Variants in LPGAT1 observed in about 807,000 individuals in gnomAD.
LPGAT1 encodes the protein acyl-CoA:lysophosphatidylglycerol acyltransferase 1.
In LPGAT1, 11 loss-of-function variants were observed where a neutral mutation model predicts 47.5. The observed-to-expected ratio is 0.23, with a 90% CI of 0.15 to 0.38. LPGAT1 has a LOEUF of 0.38. LPGAT1 is among the 10% of genes least tolerant of loss of function. The probability of loss-of-function intolerance (pLI) is 1.00; values close to 1 mark genes in which losing one functional copy is unlikely to be tolerated. For missense variants in LPGAT1, 293 were observed against 439.0 expected (o/e 0.67, Z 2.97); for synonymous variants, 138 against 144.2 (o/e 0.96, Z 0.31).
chr1:211,791,332 T>C (rs1271313394), intron 3 of LPGAT1, among the ~76,000 whole-genome samples: 1 of 152,226 alleles, frequency 6.6e-6, no homozygotes, highest in Non-Finnish European at 1.5e-5. Flanking sequence ...AGTCCTTGCT[T>C]TACCAGTCTA....
At position 211,830,082 on chromosome 1, in the gene LPGAT1, A is replaced by G; in HGVS notation, c.-28+491T>C. ...AAGCAGGGGATGATGAAAGGGGCAG[A>G]GAAGAGGCGACCGCAGCGCGGGGAG... On this transcript the variant is annotated intron_variant, in intron 1 of 7. Transcript: ENST00000366997. This position sits in a 1 kb window ranked among gnomAD's most constrained non-coding sequence, Gnocchi z 5.9. 1.2e-5 allele frequency: 12 copies of G among 973,002 alleles called. No homozygotes were observed. Among genetic ancestry groups the G allele is most frequent in the Non-Finnish European group, 1.4e-5 (12 of 829,282 alleles). 60.3% of individuals were successfully genotyped at this position (973,002 alleles called of 1,614,324 possible). A position where few individuals can be genotyped will look rare whatever the true frequency, so the allele number is the denominator to read the frequency against.
intron 3 of LPGAT1, among the ~76,000 whole-genome samples, chr1:211,789,495 A>C (rs753427932): frequency 1.3e-5 from 2 of 152,222 alleles, no homozygotes; most frequent in Non-Finnish European, 2.9e-5. Context: ...AATGTTTATA[A>C]AACATTTAAT....
At chr1:211,801,798 G>C (rs1373116388) in intron 2 of LPGAT1, among the ~76,000 whole-genome samples, 1 of 151,180 alleles carries the variant, frequency 6.6e-6, no homozygotes, top group Non-Finnish European at 1.5e-5. Flanking sequence ...GAAAAGAAAA[G>C]AAATGGCACG....
intron 2 of LPGAT1, among the ~76,000 whole-genome samples, chr1:211,810,119 G>C (rs1039104432): frequency 6.6e-6 from 1 of 152,074 alleles, no homozygotes; most frequent in African/African-American, 2.4e-5. Flanking sequence ...CTGCCTGAAT[G>C]AATTAGTTGA....
At chr1:211,812,736 G>C (rs1243698290) in intron 2 of LPGAT1, among the ~76,000 whole-genome samples, 2 of 152,204 alleles carry the variant, frequency 1.3e-5, no homozygotes, top group African/African-American at 2.4e-5. Context: ...GAGATACACA[G>C]AGAAGAAAGG....
chr1:211,782,329 C>A (rs1266360792), intron 5 of LPGAT1, among the ~76,000 whole-genome samples: 1 of 152,166 alleles, frequency 6.6e-6, no homozygotes. Context: ...TCTTTGCCTG[C>A]ATTTCAGATT....
chr1:211,800,060 A>C (rs1206710796), intron 2 of LPGAT1, among the ~76,000 whole-genome samples: 1 of 131,164 alleles, frequency 7.6e-6, no homozygotes, highest in Non-Finnish European at 1.8e-5. Context: ...ATTGAGACAG[A>C]GTCTCGCTCT....
In LPGAT1 at chr1:211,787,663, G is replaced by C. The variant is rs745986499; in HGVS notation, c.422C>G (p.Ser141Cys). Reference sequence around the variant, plus strand: ...TATAAAGAAGTCTCCATGAACTAGAGAAACAATTCCAAAGTTTGTGTACTT... The same window carrying C: ...TATAAAGAAGTCTCCATGAACTAGACAAACAATTCCAAAGTTTGTGTACTT... The part of the protein sequence containing the change: ...IFKYTNFGIV[S>C]LVHGDFFIRQ... Residue 141 changes from serine (S) to cysteine (C), a missense_variant, in exon 4 of 8, where the codon TCT becomes TGT. Coordinates refer to ENST00000366997, the MANE Select transcript of LPGAT1 (RefSeq NM_014873.3). The C allele has an allele frequency of 1.9e-6, 3 of 1,608,280 alleles. No homozygotes were observed. The highest frequency in any genetic ancestry group is 2.2e-5 in the East Asian group (1 of 44,736).
intron 2 of LPGAT1, among the ~76,000 whole-genome samples, chr1:211,801,709 T>G (rs1571747389): frequency 8.0e-6 from 1 of 124,356 alleles, no homozygotes. Context: ...CCCTGTCTCT[T>G]AAAAAAGGGA....
At chr1:211,829,873 T>C (rs1272414781) in intron 1 of LPGAT1, 1 of 984,498 alleles carries the variant, frequency 1.0e-6, no homozygotes, top group Non-Finnish European at 1.2e-6. Context: ...GTTTCCCTTT[T>C]TTTTTTAAGA....
chr1:211,788,176 T>C (rs1179339803), intron 3 of LPGAT1, among the ~76,000 whole-genome samples: 1 of 152,156 alleles, frequency 6.6e-6, no homozygotes, highest in Non-Finnish European at 1.5e-5. Flanking sequence ...AGTATAAAAA[T>C]GTAGTGTCCC....
intron 7 of LPGAT1, among the ~76,000 whole-genome samples, chr1:211,750,614 G>T (rs1442506270): frequency 6.6e-6 from 1 of 152,100 alleles, no homozygotes. Context: ...GTATAACACT[G>T]ACATTATTTT....
chr1:211,787,654 T>A lies in LPGAT1; in HGVS notation c.431A>T (p.His144Leu). 1 of 1,603,104 alleles carries A rather than the reference T, an allele frequency of 6.2e-7. No homozygotes were observed. The highest frequency in any genetic ancestry group is 8.5e-7 in the Non-Finnish European group (1 of 1,171,558). The change falls in exon 4 of 8, where the codon CAT becomes CTT. Residue 144 changes from histidine (H) to leucine (L), a missense_variant. His to Leu is a moderately conservative substitution (Grantham distance 99). Transcript: ENST00000366997. ...YTNFGIVSLV[H>L]GDFFIRQGRS... is the part of the protein sequence containing the mutation. ...TACCTGTCTTATAAAGAAGTCTCCA[T>A]GAACTAGAGAAACAATTCCAAAGTT...
intron 2 of LPGAT1, among the ~76,000 whole-genome samples, chr1:211,813,446 G>T (rs1660066895): frequency 1.3e-5 from 2 of 152,108 alleles, no homozygotes; most frequent in Non-Finnish European, 2.9e-5. Flanking sequence ...CGAAGCAGGG[G>T]TCCTCAAACT....
chr1:211,807,396 C>T (rs1251769445), intron 2 of LPGAT1, among the ~76,000 whole-genome samples: 2 of 151,898 alleles, frequency 1.3e-5, no homozygotes, highest in Admixed American at 6.5e-5. Context: ...AAAATTTTTG[C>T]ACATAAGTGA....
chr1:211,794,178 C>T (rs1243335228), intron 2 of LPGAT1, among the ~76,000 whole-genome samples: 1 of 152,286 alleles, frequency 6.6e-6, no homozygotes, highest in African/African-American at 2.4e-5. Context: ...AATAATAAAA[C>T]TAATACAAAT....
At chr1:211,756,076 A>C (rs1046258351) in intron 6 of LPGAT1, among the ~76,000 whole-genome samples, 1 of 152,146 alleles carries the variant, frequency 6.6e-6, no homozygotes, top group African/African-American at 2.4e-5. Flanking sequence ...TCTCTACTAA[A>C]AATACAAAAA....
intron 6 of LPGAT1, among the ~76,000 whole-genome samples, chr1:211,769,905 C>T (rs1482313966): frequency 6.6e-6 from 1 of 152,094 alleles, no homozygotes; most frequent in Non-Finnish European, 1.5e-5. Context: ...CCTTAACCAC[C>T]TGGGAATGCA....
intron 2 of LPGAT1, among the ~76,000 whole-genome samples, chr1:211,801,167 T>C (rs1291018294): frequency 6.6e-6 from 1 of 152,200 alleles, no homozygotes; most frequent in Non-Finnish European, 1.5e-5. Context: ...CACTTCCAGC[T>C]TGAAACAAGG....
Sources: allele counts gnomAD v4.1 joint callset (sites outside exome capture counted in the v4.1 genomes callset), GRCh38; gene constraint gnomAD v4.1.1; non-coding constraint Gnocchi (gnomAD v3.1); transcripts MANE v1.5; gene names NCBI Gene and HGNC (gene_info 2026-07-23, HGNC 2026-07-21).